Variants in SETD2 observed in about 807,000 individuals in gnomAD.
The protein encoded by SETD2 is histone-lysine N-methyltransferase SETD2.
SETD2 carries 31 observed loss-of-function variants against 242.1 expected under a neutral mutation model. That is an observed-to-expected ratio of 0.13 (90% confidence interval 0.10 to 0.17). The LOEUF (loss-of-function observed/expected upper bound fraction) is 0.17. Ranked by LOEUF, SETD2 falls within the 10% of genes least tolerant of loss-of-function variation. SETD2 has a pLI of 1.00. For missense variants in SETD2, 2,481 were observed against 3,046.3 expected, an observed-to-expected ratio of 0.81 and a Z score of 4.37; for synonymous variants, 1,006 against 1,066.5, an observed-to-expected ratio of 0.94 and a Z score of 1.11.
At chr3:47,056,043 A>AAAAAAT (rs2040052375) in intron 15 of SETD2, among the ~76,000 whole-genome samples, 1 of 129,020 alleles carries the variant, frequency 7.8e-6, no homozygotes, top group Non-Finnish European at 1.6e-5. Context: ...AAAAAAAAAA[A>AAAAAAT]GTTCTGCCTT....
intron 15 of SETD2, among the ~76,000 whole-genome samples, chr3:47,048,487 G>A (rs2039635530): frequency 6.6e-6 from 1 of 152,158 alleles, no homozygotes; most frequent in South Asian, 2.1e-4. Context: ...TGGTGAGTGA[G>A]TGAATATGAA....
rs770936612 is a variant in SETD2 at position 47,017,183 on chromosome 3, A to G, written c.7605T>C (p.Asn2535=). The G allele has an allele frequency of 3.7e-5, 60 of 1,614,026 alleles. No homozygotes were observed. In the East Asian group the frequency reaches 1.3e-3, roughly 36 times the overall value. The change falls in exon 21 of 21, where the codon AAT becomes AAC. Residue 2535 remains asparagine (N), a synonymous_variant. Transcript: ENST00000409792. The surrounding 1 kb of genome is among the most constrained non-coding windows in gnomAD (Gnocchi z 4.8). Reference sequence around the variant, plus strand: ...TGTACTCCTTGGTTTTGTGTTTCACATTCTCATTGCACTCCAGGTCCTCAG... The same window carrying G: ...TGTACTCCTTGGTTTTGTGTTTCACGTTCTCATTGCACTCCAGGTCCTCAG... ...KNPEDLECNE[N]VKHKTKEYIK...
intron 1 of SETD2, among the ~76,000 whole-genome samples, chr3:47,150,571 C>T (rs956035128): frequency 3.9e-5 from 6 of 152,056 alleles, no homozygotes; most frequent in African/African-American, 1.4e-4. Flanking sequence ...AAAAAGTGGT[C>T]TAGCATACCA....
chr3:47,066,086 C>A, intron 13 of SETD2, among the ~76,000 whole-genome samples: 1 of 152,194 alleles, frequency 6.6e-6, no homozygotes, highest in East Asian at 1.9e-4. Flanking sequence ...TCTTCCTCGT[C>A]AGTCTGCTCA....
intron 15 of SETD2, among the ~76,000 whole-genome samples, chr3:47,052,667 A>T (rs539260896): frequency 6.6e-6 from 1 of 151,876 alleles, no homozygotes; most frequent in Admixed American, 6.6e-5. Flanking sequence ...AAATACAAAA[A>T]ATTAGCTAGG....
intron 16 of SETD2, among the ~76,000 whole-genome samples, chr3:47,042,908 T>G (rs1279543960): frequency 6.6e-6 from 1 of 152,054 alleles, no homozygotes; most frequent in Non-Finnish European, 1.5e-5. Context: ...GCTCTAAGTT[T>G]ACCATCCAAG....
chr3:47,020,458 A>G (rs567501335), intron 18 of SETD2, among the ~76,000 whole-genome samples: 2 of 152,302 alleles, frequency 1.3e-5, no homozygotes, highest in South Asian at 2.1e-4. Context: ...AAGATACTCT[A>G]TGTCCCCAGC....
intron 12 of SETD2, among the ~76,000 whole-genome samples, chr3:47,075,564 C>CAAAA (rs55635941): frequency 5.2e-5 from 4 of 76,436 alleles, no homozygotes; most frequent in African/African-American, 1.6e-4. Context: ...AACTCCGTCT[C>CAAAA]AAAAAAAAAA....
At chr3:47,120,089 T>C in intron 3 of SETD2, 93 bp downstream of exon 3, 4 of 996,108 alleles carry the variant, frequency 4.0e-6, no homozygotes, top group Non-Finnish European at 5.8e-6. Context: ...CTCTTTCATG[T>C]GTTTAATCTC....
intron 13 of SETD2, among the ~76,000 whole-genome samples, chr3:47,062,572 C>T (rs1244934089): frequency 2.0e-5 from 3 of 152,098 alleles, no homozygotes; most frequent in Non-Finnish European, 4.4e-5. Context: ...CCCTTTTCTC[C>T]TCTTTCCCTC....
At chr3:47,142,501 T>A (rs115680103) in intron 1 of SETD2, among the ~76,000 whole-genome samples, 1,558 of 151,922 alleles carry the variant, frequency 0.01, 32 homozygotes, top group African/African-American at 0.036. Flanking sequence ...AGAGCAAGAA[T>A]CTAAGTTAAT....
intron 18 of SETD2, among the ~76,000 whole-genome samples, chr3:47,026,598 T>C (rs2038490711): frequency 6.6e-6 from 1 of 151,448 alleles, no homozygotes; most frequent in Admixed American, 6.6e-5. Flanking sequence ...AGGTGGCATA[T>C]ATACACCATG....
intron 17 of SETD2, among the ~76,000 whole-genome samples, chr3:47,038,492 G>A (rs1378509022): frequency 2.6e-5 from 4 of 152,092 alleles, no homozygotes; most frequent in Non-Finnish European, 5.9e-5. Flanking sequence ...GCGGGCGCCT[G>A]TAATCCCAGC....
At chr3:47,078,519 CTTTTTTTTT>C (rs71098448) in intron 12 of SETD2, among the ~76,000 whole-genome samples, 1 of 71,280 alleles carries the variant, frequency 1.4e-5, no homozygotes, top group Non-Finnish European at 2.5e-5. Flanking sequence ...GATTCTCAGC[CTTTTTTTTT>C]TTTTTTTTTT....
chr3:47,105,193 TG>T (rs2042361396), intron 6 of SETD2, among the ~76,000 whole-genome samples: 1 of 152,064 alleles, frequency 6.6e-6, no homozygotes, highest in Non-Finnish European at 1.5e-5. Context: ...ATGGATTGCT[TG>T]AGGCCAGGAG....
chr3:47,060,360 C>T (rs1366539727), intron 14 of SETD2, among the ~76,000 whole-genome samples: 1 of 152,074 alleles, frequency 6.6e-6, no homozygotes, highest in Non-Finnish European at 1.5e-5. Flanking sequence ...TCTAAGGAAG[C>T]AGATTTTAAA....
intron 18 of SETD2, among the ~76,000 whole-genome samples, chr3:47,037,059 CTTTTTTTTTT>C (rs10536067): frequency 7.1e-4 from 51 of 71,732 alleles, no homozygotes; most frequent in East Asian, 3.3e-3. Context: ...AAAGGCCATT[CTTTTTTTTTT>C]TTTTTTTTTT....
intron 1 of SETD2, among the ~76,000 whole-genome samples, chr3:47,139,877 T>C (rs1369190177): frequency 1.3e-5 from 2 of 152,310 alleles, no homozygotes; most frequent in East Asian, 1.9e-4. Flanking sequence ...ATGAGTAGAC[T>C]TGATATACAA....
chr3:47,153,824 A>C (rs899512623), intron 1 of SETD2, among the ~76,000 whole-genome samples: 1 of 152,180 alleles, frequency 6.6e-6, no homozygotes. Context: ...CAAGTAACTA[A>C]TCAAAGTAAG....
Sources: allele counts gnomAD v4.1 joint callset (sites outside exome capture counted in the v4.1 genomes callset), GRCh38; gene constraint gnomAD v4.1.1; non-coding constraint Gnocchi (gnomAD v3.1); transcripts MANE v1.5; gene names NCBI Gene and HGNC (gene_info 2026-07-23, HGNC 2026-07-21).